Variants in ATP2C1 observed in about 807,000 individuals in gnomAD.
ATP2C1 encodes calcium-transporting ATPase type 2C member 1.
A neutral mutation model predicts 120.5 loss-of-function variants in ATP2C1; 31 were observed. That is an observed-to-expected ratio of 0.26 (90% CI 0.19 to 0.35). ATP2C1 has a LOEUF of 0.35. ATP2C1 is among the 10% of genes least tolerant of loss of function. ATP2C1 has a pLI of 1.00. For missense variants in ATP2C1, 731 were observed against 1,107.5 expected, an observed-to-expected ratio of 0.66 and a Z score of 4.83; for synonymous variants, 351 against 358.7, an observed-to-expected ratio of 0.98 and a Z score of 0.24.
chr3:130,900,711 A>G (rs2057779675), intron 2 of ATP2C1, among the ~76,000 whole-genome samples: 1 of 152,224 alleles, frequency 6.6e-6, no homozygotes, highest in African/African-American at 2.4e-5. Context: ...GAGCATTAGT[A>G]CATTAGTACA....
intron 2 of ATP2C1, chr3:130,929,831 C>G (rs1479904980): frequency 5.9e-6 from 1 of 168,180 alleles, no homozygotes; most frequent in Admixed American, 5.7e-5. Context: ...CCTTCCCCAC[C>G]CTTCCCACCA....
At chr3:130,905,903 G>T (rs570056917) in intron 2 of ATP2C1, among the ~76,000 whole-genome samples, 1 of 152,044 alleles carries the variant, frequency 6.6e-6, no homozygotes, top group Non-Finnish European at 1.5e-5. Context: ...CTTGGGAATT[G>T]ATATCAGCTG....
intron 1 of ATP2C1, among the ~76,000 whole-genome samples, chr3:130,863,108 A>G (rs979139690): frequency 6.6e-6 from 1 of 152,166 alleles, no homozygotes; most frequent in Admixed American, 6.5e-5. Flanking sequence ...AAATGGTATT[A>G]CACTATAATA....
intron 8 of ATP2C1, among the ~76,000 whole-genome samples, chr3:130,951,130 A>T (rs1013732256): frequency 1.3e-5 from 2 of 152,172 alleles, no homozygotes; most frequent in South Asian, 2.1e-4. Context: ...AATGAACCTT[A>T]TATAAATTTA....
upstream of ATP2C1, among the ~76,000 whole-genome samples, chr3:130,893,090 T>C (rs189347790): frequency 6.6e-6 from 1 of 152,284 alleles, no homozygotes; most frequent in Non-Finnish European, 1.5e-5. Flanking sequence ...TGGTTATGGG[T>C]GTGAGAGGAC....
chr3:130,938,158 A>C (rs1228711918), intron 6 of ATP2C1, among the ~76,000 whole-genome samples: 1 of 152,156 alleles, frequency 6.6e-6, no homozygotes, highest in Non-Finnish European at 1.5e-5. Flanking sequence ...CCCTTTTAAA[A>C]ATTACTATGA....
intron 20 of ATP2C1, among the ~76,000 whole-genome samples, chr3:130,982,280 T>C (rs1017351360): frequency 2.0e-5 from 3 of 152,258 alleles, no homozygotes; most frequent in Admixed American, 2.0e-4. Flanking sequence ...ACTGTCCTTT[T>C]TCCATTGAAA....
chr3:130,915,964 T>G (rs908534646), intron 2 of ATP2C1, among the ~76,000 whole-genome samples: 3 of 152,226 alleles, frequency 2.0e-5, no homozygotes, highest in African/African-American at 7.2e-5. Context: ...TTAGCCATCC[T>G]TATATGTGAA....
At chr3:130,986,287 G>A (rs1364020769) in intron 20 of ATP2C1, among the ~76,000 whole-genome samples, 3 of 151,374 alleles carry the variant, frequency 2.0e-5, no homozygotes, top group Admixed American at 2.0e-4. Context: ...TTGGGACAGA[G>A]TATTAGTAAA....
At chr3:130,901,747 A>T (rs1310930878) in intron 2 of ATP2C1, among the ~76,000 whole-genome samples, 1 of 152,092 alleles carries the variant, frequency 6.6e-6, no homozygotes, top group Non-Finnish European at 1.5e-5. Context: ...TTGAAGGCAG[A>T]GACCTCAATT....
chr3:130,916,534 T>A (rs1392524252), intron 2 of ATP2C1, among the ~76,000 whole-genome samples: 1 of 152,128 alleles, frequency 6.6e-6, no homozygotes, highest in African/African-American at 2.4e-5. Flanking sequence ...TAAATTTATA[T>A]ATATATTTTT....
chr3:130,992,865 GT>G, intron 20 of ATP2C1, 85 bp from the exon 21 acceptor site: 1 of 1,100,538 alleles, frequency 9.1e-7, no homozygotes, highest in Non-Finnish European at 1.4e-6. Context: ...AAATTGATGA[GT>G]TTTTCATCAT....
chr3:131,002,214 T>C lies in ATP2C1; in HGVS notation c.*864T>C, dbSNP rs1487796793. ...GTAAAGATATATACTTTGTCAAATATCATTTTGTCATCCTCTAAATATAAA... is the reference window on the plus strand; with the variant it reads ...GTAAAGATATATACTTTGTCAAATACCATTTTGTCATCCTCTAAATATAAA... On this transcript the variant is annotated 3_prime_UTR_variant, in exon 28 of 28. Coordinates refer to ENST00000510168, the MANE Select transcript of ATP2C1 (RefSeq NM_001378687.1). 2.1e-6 allele frequency: 2 copies of C among 967,184 alleles called. No homozygotes were observed. The highest frequency in any genetic ancestry group is 2.3e-4 in the East Asian group (2 of 8,738). The allele number at this position is 967,184 out of a possible 1,614,324, so 59.9% of individuals were successfully genotyped here.
At chr3:130,869,820 A>C (rs1412490214) in intron 1 of ATP2C1, among the ~76,000 whole-genome samples, 1 of 152,232 alleles carries the variant, frequency 6.6e-6, no homozygotes, top group African/African-American at 2.4e-5. Context: ...GGAAAGAAGC[A>C]ATCTCCATAA....
At chr3:130,979,170 C>T (rs1159837764) in intron 18 of ATP2C1, 79 bp from the exon 19 acceptor site, 13 of 1,406,300 alleles carry the variant, frequency 9.2e-6, no homozygotes, top group Non-Finnish European at 1.3e-5. Context: ...GTTACTGTCT[C>T]CAATTTCTAT....
chr3:131,014,103 A>G (rs2063458207), intron 26 of ATP2C1: 1 of 1,605,710 alleles, frequency 6.2e-7, no homozygotes, highest in Non-Finnish European at 8.5e-7. Flanking sequence ...GTTTTCAACC[A>G]TTAACAACCC....
Position 130,902,284 on chromosome 3 carries a change from G to GTTTTTTTTTTTTTT in ATP2C1, c.6+7521_6+7522insTTTTTTTTTTTTTT, listed in dbSNP as rs1157956407. On this transcript the variant is annotated intron_variant, in intron 2 of 27. Transcript: ENST00000510168. ...TTAACTGCTAATTTCAAGGCTTCAC[G>GTTTTTTTTTTTTTT]TTTTTTTTTTTTGTTTTTTTTTTTT... is the stretch of plus-strand genomic sequence containing the variant. Among the ~76,000 whole-genome samples, 7 of 65,504 alleles carry GTTTTTTTTTTTTTT rather than the reference G, an allele frequency of 1.1e-4. 3 individuals are homozygous for GTTTTTTTTTTTTTT. Among genetic ancestry groups the GTTTTTTTTTTTTTT allele is most frequent in the South Asian group, 1.3e-3 (2 of 1,570 alleles). The allele number at this position is 65,504 out of a possible 152,430, so 43.0% of individuals were successfully genotyped here.
chr3:130,932,278 G>C, intron 4 of ATP2C1, 140 bp downstream of exon 4: 1 of 649,128 alleles, frequency 1.5e-6, no homozygotes, highest in Non-Finnish European at 2.7e-6. Flanking sequence ...TTTTTCATTT[G>C]TTGGGGCTTA....
At chr3:130,872,757 G>C (rs1018481639) in intron 1 of ATP2C1, among the ~76,000 whole-genome samples, 1 of 151,896 alleles carries the variant, frequency 6.6e-6, no homozygotes, top group East Asian at 1.9e-4. Flanking sequence ...GCTAATTTTT[G>C]TATATTTAGT....
Sources: gnomAD v4.1 joint callset for allele counts (sites outside exome capture counted in the v4.1 genomes callset) on GRCh38, gnomAD v4.1.1 for gene constraint, MANE v1.5 for transcripts, NCBI Gene and HGNC (gene_info 2026-07-23, HGNC 2026-07-21) for gene names.